FAT3: variants seen among roughly 807,000 people sequenced by gnomAD.
FAT3 encodes the protein FAT atypical cadherin 3.
FAT3 carries 95 observed loss-of-function variants against 310.2 expected under a neutral mutation model. The ratio of observed to expected loss-of-function variants is 0.31; its 90% confidence interval spans 0.26 to 0.36. The LOEUF (loss-of-function observed/expected upper bound fraction) is 0.36. Among genes scored for constraint, FAT3 ranks in the 10% least tolerant of loss-of-function variants. The pLI is 1.00. For missense variants in FAT3, 5,408 were observed against 5,715.6 expected, an observed-to-expected ratio of 0.95 and a Z score of 1.74; for synonymous variants, 2,314 against 2,192.9, an observed-to-expected ratio of 1.06 and a Z score of -1.54.
chr11:92,498,520 C>G (rs1952834141), intron 2 of FAT3: 2 of 153,728 alleles, frequency 1.3e-5, no homozygotes, highest in Admixed American at 1.3e-4. Flanking sequence ...AAAACTGACA[C>G]AGAACAGACA....
At chr11:92,412,740 T>TATATATATATATAA (rs1555038611) in intron 2 of FAT3, among the ~76,000 whole-genome samples, 2 of 76,342 alleles carry the variant, frequency 2.6e-5, no homozygotes, top group African/African-American at 1.9e-4. Flanking sequence ...TATATATATA[T>TATATATATATATAA]ATATAAATAT....
Position 92,798,579 on chromosome 11 carries a change from A to T in FAT3, c.5566A>T (p.Ser1856Cys), listed in dbSNP as rs200829005. 1,198 of 1,613,810 alleles carry T rather than the reference A, an allele frequency of 7.4e-4. 1 individual carries two copies. Among genetic ancestry groups the T allele is most frequent in the Non-Finnish European group, 9.4e-4 (1,113 of 1,179,772 alleles). The change falls in exon 10 of 28, where the codon AGT becomes TGT. Residue 1856 changes from serine to cysteine, a missense_variant. By Grantham distance (112) the Ser-to-Cys change is moderately radical. Coordinates refer to ENST00000525166, the MANE Select transcript of FAT3 (RefSeq NM_001367949.2). ...HFHFHVHVRDSGSPQLTAESP... is the reference protein window; with the variant it reads ...HFHFHVHVRDCGSPQLTAESP... ...CCATTTTCATGTGCATGTGAGAGACAGTGGTAGCCCCCAACTGACTGCAGA... is the reference window on the plus strand; with the variant it reads ...CCATTTTCATGTGCATGTGAGAGACTGTGGTAGCCCCCAACTGACTGCAGA...
At chr11:92,516,129 C>G (rs899387212) in intron 2 of FAT3, among the ~76,000 whole-genome samples, 4 of 152,142 alleles carry the variant, frequency 2.6e-5, no homozygotes, top group Admixed American at 2.0e-4. Context: ...TCTTCCCTAA[C>G]TCATGTTATG....
At chr11:92,710,220 C>T (rs956099299) in intron 4 of FAT3, among the ~76,000 whole-genome samples, 14 of 152,156 alleles carry the variant, frequency 9.2e-5, no homozygotes, top group African/African-American at 2.9e-4. Context: ...GTAGACTGAG[C>T]GATCCAGTGT....
Position 92,892,423 on chromosome 11 carries a change from T to C in FAT3, c.*1310T>C, listed in dbSNP as rs1949934237. On this transcript the variant is annotated 3_prime_UTR_variant, in exon 28 of 28. Coordinates refer to ENST00000525166, the MANE Select transcript of FAT3 (RefSeq NM_001367949.2). ...AAAGCAAAATTGTGCTTTTTTTTTT[T>C]TTTCTCAAGACAGAGTCTTGCTCTG... The C allele has an allele frequency of 6.6e-6, 1 of 152,062 alleles. No homozygotes were observed. The allele number at this position is 152,062 out of a possible 1,614,324, so 9.4% of individuals were successfully genotyped here. A position where few individuals can be genotyped will look rare whatever the true frequency, so the allele number is the denominator to read the frequency against.
At chr11:92,876,612 G>A (rs1398197501) in intron 22 of FAT3, among the ~76,000 whole-genome samples, 1 of 152,132 alleles carries the variant, frequency 6.6e-6, no homozygotes. Context: ...TTCCCTCTGT[G>A]TTTCTTGCTG....
chr11:92,494,928 C>T (rs1380672812), intron 2 of FAT3, among the ~76,000 whole-genome samples: 2 of 151,904 alleles, frequency 1.3e-5, no homozygotes, highest in South Asian at 2.1e-4. Flanking sequence ...AATGAGACCA[C>T]GAAACATTAT....
In FAT3 at chr11:92,464,759, G is replaced by A. The variant is rs116556539; in HGVS notation, c.3293-59875G>A. Among the ~76,000 whole-genome samples, 936 of 152,298 alleles carry A rather than the reference G, an allele frequency of 6.1e-3. 11 individuals are homozygous for A. The highest frequency in any genetic ancestry group is 0.022 in the African/African-American group (906 of 41,572). On this transcript the variant is annotated intron_variant, in intron 2 of 27. Coordinates refer to ENST00000525166, the MANE Select transcript of FAT3 (RefSeq NM_001367949.2). ...TATCCTGAGCTTTCATTTAAGCCCAGTGTCTGTTTGAAAGTTATTCTTTTG... is the reference window on the plus strand; with the variant it reads ...TATCCTGAGCTTTCATTTAAGCCCAATGTCTGTTTGAAAGTTATTCTTTTG...
chr11:92,342,736 A>G (rs1948298177), intron 1 of FAT3, among the ~76,000 whole-genome samples: 1 of 152,022 alleles, frequency 6.6e-6, no homozygotes, highest in South Asian at 2.1e-4. Flanking sequence ...TTTCTTTTTT[A>G]AAAATCGTAA....
Position 92,339,351 on chromosome 11 carries a change from T to A in FAT3, c.-17-12745T>A, listed in dbSNP as rs993758451. 1.3e-5 allele frequency among the ~76,000 whole-genome samples: 2 copies of A among 152,158 alleles called. 1 individual carries two copies. Among genetic ancestry groups the A allele is most frequent in the Non-Finnish European group, 2.9e-5 (2 of 68,036 alleles). ...CTATGGGAAAACACTGATCTAATCC[T>A]ATGTTTTCTTGGAGTTTCATAAGAC... On this transcript the variant is annotated intron_variant, in intron 1 of 27. Transcript: ENST00000525166.
chr11:92,773,821 A>C (rs985437593), intron 6 of FAT3, among the ~76,000 whole-genome samples: 2 of 152,124 alleles, frequency 1.3e-5, no homozygotes, highest in African/African-American at 2.4e-5. Flanking sequence ...TTTGCACTAC[A>C]TTCCTTTTTT....
Position 92,727,852 on chromosome 11 carries a change from G to A in FAT3, c.3669+30407G>A, listed in dbSNP as rs571242869. 1.6e-4 allele frequency among the ~76,000 whole-genome samples: 25 copies of A among 152,286 alleles called. 1 individual carries two copies. Among genetic ancestry groups the A allele is most frequent in the Middle Eastern group, 3.4e-3 (1 of 294 alleles). On this transcript the variant is annotated intron_variant, in intron 4 of 27. Transcript: ENST00000525166. ...TCTCAGCCTGCAGCTTGCAACCCCCGTTGCCATTTGCCATGCCGCCACTGA... is the reference window on the plus strand; with the variant it reads ...TCTCAGCCTGCAGCTTGCAACCCCCATTGCCATTTGCCATGCCGCCACTGA...
rs1380828545 is a variant in FAT3 at position 92,811,601 on chromosome 11, G to T, written c.9481+1525G>T. 2.0e-5 allele frequency among the ~76,000 whole-genome samples: 3 copies of T among 152,156 alleles called. No homozygotes were observed. The East Asian group carries it at 5.8e-4, about 29-fold the overall frequency. On this transcript the variant is annotated intron_variant, in intron 13 of 27. Coordinates refer to ENST00000525166, the MANE Select transcript of FAT3 (RefSeq NM_001367949.2). ...TCAGATGGCCAGGTTGGGAGTTGGG[G>T]AGGAAGGAATGTCTAGATTCTAGGC...
At chr11:92,819,126 C>T (rs1403910236) in intron 13 of FAT3, among the ~76,000 whole-genome samples, 3 of 152,114 alleles carry the variant, frequency 2.0e-5, no homozygotes, top group African/African-American at 4.8e-5. Flanking sequence ...AAGTAACTTG[C>T]CCTGAGCCAC....
rs530818496 is a variant in FAT3, at chr11:92,826,472, C to A, written c.9482-5150C>A. On this transcript the variant is annotated intron_variant, in intron 13 of 27. Coordinates refer to ENST00000525166, the MANE Select transcript of FAT3 (RefSeq NM_001367949.2). ...GATTGAGAAACTAACTGCAACAGGA[C>A]AAGAAGGAACCTAAACAGGGATTGA... 2.0e-5 allele frequency among the ~76,000 whole-genome samples: 3 copies of A among 152,114 alleles called. No individual in the cohort carries two copies. In the South Asian group the frequency reaches 6.2e-4, roughly 32 times the overall value.
At chr11:92,457,362 G>T (rs1461770050) in intron 2 of FAT3, among the ~76,000 whole-genome samples, 2 of 152,128 alleles carry the variant, frequency 1.3e-5, no homozygotes, top group African/African-American at 2.4e-5. Context: ...GTCTAGTGTG[G>T]TGTGGCTTGG....
At chr11:92,674,182 A>AAATAATAATAATAATAATAAT (rs550101493) in intron 3 of FAT3, among the ~76,000 whole-genome samples, 1 of 140,944 alleles carries the variant, frequency 7.1e-6, no homozygotes. Context: ...CTCCATCTCA[A>AAATAATAATAATAATAATAAT]AATAATAATA....
chr11:92,812,472 C>T (rs1475042370), intron 13 of FAT3, among the ~76,000 whole-genome samples: 2 of 151,784 alleles, frequency 1.3e-5, no homozygotes, highest in African/African-American at 4.8e-5. Flanking sequence ...GTCCCAGCTA[C>T]TCGGGAAGCT....
At chr11:92,752,046 G>A (rs1036701979) in intron 4 of FAT3, among the ~76,000 whole-genome samples, 3 of 152,148 alleles carry the variant, frequency 2.0e-5, no homozygotes, top group Non-Finnish European at 4.4e-5. Context: ...AGAGGCAGCA[G>A]CACATAATGT....
Sources: allele counts gnomAD v4.1 joint callset (sites outside exome capture counted in the v4.1 genomes callset), GRCh38; gene constraint gnomAD v4.1.1; transcripts MANE v1.5; gene names NCBI Gene and HGNC (gene_info 2026-07-23, HGNC 2026-07-21).